FHOD3: variants seen among roughly 807,000 people sequenced by gnomAD.
The protein encoded by FHOD3 is FH1/FH2 domain-containing protein 3.
FHOD3 carries 90 observed loss-of-function variants against 173.0 expected under a neutral mutation model. The ratio of observed to expected loss-of-function variants is 0.52; its 90% CI spans 0.44 to 0.62. The LOEUF (loss-of-function observed/expected upper bound fraction) is 0.62, where lower values mean the gene tolerates loss of function less well. FHOD3 is among the 20% of genes least tolerant of loss of function. The pLI, the probability that FHOD3 is intolerant of heterozygous loss-of-function variation, is 0.00. For synonymous variants in FHOD3, 828 were observed against 823.0 expected, an observed-to-expected ratio of 1.01 and a Z score of -0.10; for missense variants, 1,945 against 2,034.7, an observed-to-expected ratio of 0.96 and a Z score of 0.85.
At chr18:36,321,471 A>G (rs541154121) in intron 1 of FHOD3, among the ~76,000 whole-genome samples, 1 of 152,184 alleles carries the variant, frequency 6.6e-6, no homozygotes, top group South Asian at 2.1e-4. Flanking sequence ...TTATAAAGTG[A>G]TTTCTGTTTT....
intron 7 of FHOD3, among the ~76,000 whole-genome samples, chr18:36,600,252 A>AACACACACACACACACACAC (rs67473480): frequency 1.0e-4 from 15 of 143,178 alleles, no homozygotes; most frequent in South Asian, 9.7e-4. Flanking sequence ...TCTCCTCTGC[A>AACACACACACACACACACAC]ACACACACAC....
At chr18:36,422,990 TC>T (rs1210301701) in intron 3 of FHOD3, among the ~76,000 whole-genome samples, 1 of 152,220 alleles carries the variant, frequency 6.6e-6, no homozygotes, top group East Asian at 1.9e-4. Flanking sequence ...ACCAGAGTGC[TC>T]CTGTTGTCTC....
chr18:36,684,309 A>G (rs2038455157), intron 15 of FHOD3, among the ~76,000 whole-genome samples: 1 of 152,242 alleles, frequency 6.6e-6, no homozygotes, highest in South Asian at 2.1e-4. Context: ...TACAGAATAC[A>G]ATCCAAAATA....
At chr18:36,638,475 A>C (rs1028577438) in intron 10 of FHOD3, among the ~76,000 whole-genome samples, 1 of 152,164 alleles carries the variant, frequency 6.6e-6, no homozygotes, top group African/African-American at 2.4e-5. Context: ...TCAGTTGTGC[A>C]CATTTGAAAA....
At chr18:36,379,057 A>G (rs1425886901) in intron 3 of FHOD3, among the ~76,000 whole-genome samples, 4 of 152,338 alleles carry the variant, frequency 2.6e-5, no homozygotes, top group South Asian at 4.1e-4. Flanking sequence ...TTCATATGAT[A>G]TATAACTCGG....
chr18:36,503,556 C>T (rs2055146094), intron 4 of FHOD3, among the ~76,000 whole-genome samples: 1 of 152,184 alleles, frequency 6.6e-6, no homozygotes, highest in Admixed American at 6.5e-5. Context: ...TCTTTTCTTC[C>T]AACAGCCATG....
intron 17 of FHOD3, among the ~76,000 whole-genome samples, chr18:36,704,834 G>T (rs927361539): frequency 6.6e-6 from 1 of 152,208 alleles, no homozygotes; most frequent in Non-Finnish European, 1.5e-5. Context: ...CCGCTCCGGT[G>T]TGAACACGGT....
chr18:36,499,600 G>T (rs560526161), intron 3 of FHOD3, among the ~76,000 whole-genome samples: 1 of 152,300 alleles, frequency 6.6e-6, no homozygotes, highest in South Asian at 2.1e-4. Context: ...TCAGATGTTA[G>T]CTGTGAAAGC....
intron 17 of FHOD3, among the ~76,000 whole-genome samples, chr18:36,707,181 A>G (rs1600338143): frequency 6.6e-6 from 1 of 152,228 alleles, no homozygotes; most frequent in Non-Finnish European, 1.5e-5. Context: ...ACTGCCACCC[A>G]TGAATCTCTG....
chr18:36,442,016 GT>G (rs1207988723), intron 3 of FHOD3, among the ~76,000 whole-genome samples: 3 of 152,216 alleles, frequency 2.0e-5, no homozygotes, highest in East Asian at 3.8e-4. Flanking sequence ...ATTACAGACT[GT>G]TTCCTCTATG....
intron 11 of FHOD3, among the ~76,000 whole-genome samples, chr18:36,652,315 C>T (rs185564235): frequency 1.8e-3 from 280 of 152,356 alleles, no homozygotes; most frequent in Non-Finnish European, 2.9e-3. Flanking sequence ...CCAGGTTTGG[C>T]CTGAGAGCCA....
At chr18:36,543,239 A>G (rs1250541951) in intron 5 of FHOD3, among the ~76,000 whole-genome samples, 33 of 149,890 alleles carry the variant, frequency 2.2e-4, no homozygotes, top group Non-Finnish European at 4.4e-5. Flanking sequence ...TTAAATCTAT[A>G]TATAGTGTGT....
intron 28 of FHOD3, among the ~76,000 whole-genome samples, chr18:36,774,346 C>T (rs1172754868): frequency 6.6e-6 from 1 of 152,376 alleles, no homozygotes; most frequent in South Asian, 2.1e-4. Context: ...ATGAGTATTT[C>T]TGAGTGCTGT....
chr18:36,647,521 AT>A (rs2035772159), intron 10 of FHOD3, among the ~76,000 whole-genome samples: 1 of 84,448 alleles, frequency 1.2e-5, no homozygotes, highest in Admixed American at 1.5e-4. Flanking sequence ...AATTCATCCC[AT>A]CATTTTTTTA....
chr18:36,766,808 AT>A (rs2043158187), intron 27 of FHOD3, among the ~76,000 whole-genome samples: 3 of 152,228 alleles, frequency 2.0e-5, no homozygotes, highest in Admixed American at 2.0e-4. Context: ...CAGAGGGAAG[AT>A]TAGATGATGC....
intron 3 of FHOD3, among the ~76,000 whole-genome samples, chr18:36,485,822 C>T (rs1278987652): frequency 6.6e-6 from 1 of 152,174 alleles, no homozygotes; most frequent in East Asian, 1.9e-4. Context: ...AGAAATGGTG[C>T]TGCCCATCAT....
intron 10 of FHOD3, among the ~76,000 whole-genome samples, chr18:36,630,083 A>G (rs1366800366): frequency 6.6e-6 from 1 of 152,204 alleles, no homozygotes; most frequent in Non-Finnish European, 1.5e-5. Context: ...TGTAATCCAC[A>G]TGATGCTGAG....
chr18:36,659,132 T>C (rs1304116565), intron 14 of FHOD3, among the ~76,000 whole-genome samples: 3 of 152,204 alleles, frequency 2.0e-5, no homozygotes, highest in Non-Finnish European at 4.4e-5. Flanking sequence ...GAAGTATGTT[T>C]TGCCGAGTGC....
chr18:36,514,918 G>A (rs2055879424), intron 5 of FHOD3, among the ~76,000 whole-genome samples: 1 of 152,210 alleles, frequency 6.6e-6, no homozygotes, highest in African/African-American at 2.4e-5. Flanking sequence ...CACAGGGGAG[G>A]CAACAGAGAG....
Sources: gnomAD v4.1 joint callset for allele counts (sites outside exome capture counted in the v4.1 genomes callset) on GRCh38, gnomAD v4.1.1 for gene constraint, MANE v1.5 for transcripts, NCBI Gene and HGNC (gene_info 2026-07-23, HGNC 2026-07-21) for gene names.